Variants in YME1L1 observed in about 807,000 individuals in gnomAD.
YME1L1 encodes ATP-dependent zinc metalloprotease YME1L1.
YME1L1 carries 39 observed loss-of-function variants against 90.4 expected under a neutral mutation model. The observed-to-expected ratio is 0.43, with a 90% CI of 0.33 to 0.56. The LOEUF is 0.56. Ranked by LOEUF, YME1L1 falls within the 20% of genes least tolerant of loss-of-function variation. The pLI is 0.03. For synonymous variants in YME1L1, 284 were observed against 287.3 expected, an observed-to-expected ratio of 0.99 and a Z score of 0.12; for missense variants, 617 against 868.4, an observed-to-expected ratio of 0.71 and a Z score of 3.64.
At chr10:27,115,667 T>C (rs2056805547) in intron 17 of YME1L1, among the ~76,000 whole-genome samples, 1 of 152,104 alleles carries the variant, frequency 6.6e-6, no homozygotes, top group Non-Finnish European at 1.5e-5. Flanking sequence ...CCTTGGCAGC[T>C]ACTTCAAATA....
rs774896714 is a variant in YME1L1, at chr10:27,145,477, A to G, written c.282T>C (p.His94=). 3 of 1,613,558 alleles carry G rather than the reference A, an allele frequency of 1.9e-6. No homozygotes were observed. The highest frequency in any genetic ancestry group is 1.3e-5 in the African/African-American group (1 of 75,028). Residue 94 remains histidine, a synonymous_variant, in exon 3 of 19, where the codon CAT becomes CAC. Coordinates refer to ENST00000376016, the MANE Select transcript of YME1L1 (RefSeq NM_014263.4). The part of the protein sequence containing the change: ...GFCKGKNISS[H]WHTSHVSAQS... ...GTGCAGAGACATGGGATGTATGCCA[A>G]TGGGAAGAAATGTTTTTGCCTTTAC...
intron 9 of YME1L1, among the ~76,000 whole-genome samples, chr10:27,124,101 A>T (rs1192203313): frequency 6.6e-6 from 1 of 152,222 alleles, no homozygotes; most frequent in Non-Finnish European, 1.5e-5. Context: ...ATCTGGTGAA[A>T]ACATTTAAAC....
intron 7 of YME1L1, among the ~76,000 whole-genome samples, chr10:27,133,305 C>T (rs1006471269): frequency 6.6e-6 from 1 of 152,140 alleles, no homozygotes; most frequent in Non-Finnish European, 1.5e-5. Context: ...AGAACTATTA[C>T]AAGGATTTCT....
rs1409284796 is a variant in YME1L1, at chr10:27,111,034, CTATT to C, written c.*939_*942del. On this transcript the variant is annotated 3_prime_UTR_variant, in exon 19 of 19. Coordinates refer to ENST00000376016, the MANE Select transcript of YME1L1 (RefSeq NM_014263.4). ...TTCCAGGCATGCACCCCACACCTGG[CTATT>C]TTTTTTTGTATTTAAATTTATTTTA... The C allele has an allele frequency of 6.6e-6, 1 of 151,508 alleles. No homozygotes were observed. Among genetic ancestry groups the C allele is most frequent in the Non-Finnish European group, 1.5e-5 (1 of 67,892 alleles). 9.4% of individuals were successfully genotyped at this position (151,508 alleles called of 1,614,324 possible). A position where few individuals can be genotyped will look rare whatever the true frequency, so the allele number is the denominator to read the frequency against.
intron 9 of YME1L1, 76 bp downstream of exon 9, chr10:27,126,620 G>A: frequency 1.4e-6 from 1 of 732,200 alleles, no homozygotes. Context: ...AATTAAATAA[G>A]TAATATAGGT....
At chr10:27,145,628 T>C in intron 2 of YME1L1, 38 bp from the exon 3 acceptor site, 1 of 1,543,966 alleles carries the variant, frequency 6.5e-7, no homozygotes, top group Admixed American at 1.8e-5. Flanking sequence ...GCATTAATAT[T>C]ATCAAGATAT....
chr10:27,114,658 C>T, intron 17 of YME1L1, 51 bp from the exon 18 acceptor site: 1 of 1,396,962 alleles, frequency 7.2e-7, no homozygotes, highest in Non-Finnish European at 1.0e-6. Context: ...CAAACACCAA[C>T]AAATTTGAAA....
chr10:27,120,612 G>GAC, intron 12 of YME1L1, 65 bp from the exon 13 acceptor site: 1 of 1,343,392 alleles, frequency 7.4e-7, no homozygotes, highest in East Asian at 2.4e-5. Flanking sequence ...CAACAGGACT[G>GAC]ACACCCTAAT....
chr10:27,118,848 C>T (rs937976062), intron 14 of YME1L1, among the ~76,000 whole-genome samples: 4 of 152,138 alleles, frequency 2.6e-5, no homozygotes, highest in African/African-American at 9.7e-5. Flanking sequence ...GAAATGTATA[C>T]GTGCCTCATC....
At chr10:27,130,915 A>C (rs1479337367) in intron 8 of YME1L1, among the ~76,000 whole-genome samples, 1 of 152,132 alleles carries the variant, frequency 6.6e-6, no homozygotes, top group Non-Finnish European at 1.5e-5. Context: ...TGAGACCAAA[A>C]ATCTTGTGGC....
At chr10:27,115,271 A>G (rs1425120651) in intron 17 of YME1L1, among the ~76,000 whole-genome samples, 1 of 151,682 alleles carries the variant, frequency 6.6e-6, no homozygotes, top group Admixed American at 6.6e-5. Context: ...AGAAACAAAA[A>G]AACACTAATA....
At chr10:27,152,722 C>T (rs764449855) in intron 1 of YME1L1, among the ~76,000 whole-genome samples, 6 of 152,102 alleles carry the variant, frequency 3.9e-5, no homozygotes, top group Non-Finnish European at 8.8e-5. Flanking sequence ...ACACCTCTCC[C>T]CATCATCTCT....
At chr10:27,117,769 A>G (rs754520290) in intron 14 of YME1L1, 42 bp from the exon 15 acceptor site, 3 of 1,596,890 alleles carry the variant, frequency 1.9e-6, no homozygotes, top group Admixed American at 1.7e-5. Context: ...TTAGAAAGGT[A>G]TATTTAAATC....
At chr10:27,127,238 T>G (rs534770972) in intron 8 of YME1L1, among the ~76,000 whole-genome samples, 1 of 152,348 alleles carries the variant, frequency 6.6e-6, no homozygotes, top group African/African-American at 2.4e-5. Context: ...CAAAGTTATG[T>G]TTTTTTGTTA....
At chr10:27,124,959 T>TG (rs1312101492) in intron 9 of YME1L1, among the ~76,000 whole-genome samples, 1 of 152,176 alleles carries the variant, frequency 6.6e-6, no homozygotes, top group Non-Finnish European at 1.5e-5. Context: ...CTTTTGCCAG[T>TG]GATATTAGCT....
chr10:27,149,251 C>A (rs2057181360), intron 1 of YME1L1, among the ~76,000 whole-genome samples: 1 of 152,012 alleles, frequency 6.6e-6, no homozygotes, highest in African/African-American at 2.4e-5. Context: ...TCAAAAGTAT[C>A]AAAAATACAT....
chr10:27,136,699 CTTTATTTATTTATTTA>C (rs149072823), intron 4 of YME1L1, among the ~76,000 whole-genome samples: 95,589 of 145,356 alleles, frequency 0.66, 34,452 homozygotes, highest in East Asian at 0.83. Flanking sequence ...TCAAAAGGAA[CTTTATTTATTTATTTA>C]TTTATTTATT....
Position 27,117,576 on chromosome 10 carries a change from A to G in YME1L1, c.1719T>C (p.His573=). The G allele has an allele frequency of 6.2e-7, 1 of 1,613,208 alleles. No individual in the cohort carries two copies. The highest frequency in any genetic ancestry group is 8.5e-7 in the Non-Finnish European group (1 of 1,179,788). ...GGGCGAGACACTACAAAAAACTTAC[A>G]TGTCCAAGTGTTGGCCCCCGTGGCA... The part of the protein sequence containing the change: ...TIMPRGPTLG[H]VSLLPENDRW... Residue 573 remains histidine (H), a splice_region_variant and synonymous_variant, in exon 15 of 19, where the codon CAT becomes CAC. Transcript: ENST00000376016.
chr10:27,117,865 G>T (rs1192285995), intron 14 of YME1L1, 138 bp from the exon 15 acceptor site: 2 of 801,754 alleles, frequency 2.5e-6, no homozygotes, highest in African/African-American at 1.7e-5. Flanking sequence ...ACCAAATAAG[G>T]ATTAAAACTA....
Sources: allele counts gnomAD v4.1 joint callset (sites outside exome capture counted in the v4.1 genomes callset), GRCh38; gene constraint gnomAD v4.1.1; transcripts MANE v1.5; gene names NCBI Gene and HGNC (gene_info 2026-07-23, HGNC 2026-07-21).